DMD: variants seen among roughly 807,000 people sequenced by gnomAD.
The protein encoded by DMD is dystrophin.
In DMD, 63 loss-of-function variants were observed where a neutral mutation model predicts 330.1. The ratio of observed to expected loss-of-function variants is 0.19; its 90% confidence interval spans 0.16 to 0.24. The LOEUF is 0.24. DMD is among the 10% of genes least tolerant of loss of function. The pLI, the probability that DMD is intolerant of heterozygous loss-of-function variation, is 1.00. For missense variants in DMD, 3,344 were observed against 2,684.1 expected (o/e 1.25, Z -5.43); for synonymous variants, 1,223 against 959.8 (o/e 1.27, Z -5.07).
At chrX:32,726,293 T>A (rs2066873786) in intron 7 of DMD, among the ~76,000 whole-genome samples, 4 of 111,245 alleles carry the variant, frequency 3.6e-5, no homozygotes, top group East Asian at 5.6e-4. Flanking sequence ...CATAATAAAT[T>A]CACAGACAAA....
chrX:32,206,182 T>A, intron 44 of DMD: 1 of 510,622 alleles, frequency 2.0e-6, no homozygotes, highest in South Asian at 2.3e-5. Flanking sequence ...CCATCAGTGG[T>A]CTTACGGTTG....
chrX:32,653,154 T>C (rs1222723716), intron 9 of DMD, among the ~76,000 whole-genome samples: 1 of 112,217 alleles, frequency 8.9e-6, no homozygotes, highest in Non-Finnish European at 1.9e-5. Context: ...CAGAAGCTCC[T>C]TGGTTTAATT....
At chrX:32,667,866 A>G (rs147554422) in intron 9 of DMD, among the ~76,000 whole-genome samples, 6,347 of 107,399 alleles carry the variant, frequency 0.059, 473 homozygotes, top group African/African-American at 0.2. Flanking sequence ...AAGGCTGGGC[A>G]CTGTGGCTCA....
chrX:32,773,419 A>T (rs918607162), intron 7 of DMD, among the ~76,000 whole-genome samples: 44 of 111,606 alleles, frequency 3.9e-4, no homozygotes, highest in African/African-American at 1.4e-3. Context: ...TTCCAATTTA[A>T]CTATTATTTT....
intron 7 of DMD, among the ~76,000 whole-genome samples, chrX:32,748,101 G>A (rs1229886111): frequency 9.0e-6 from 1 of 110,498 alleles, no homozygotes; most frequent in Non-Finnish European, 1.9e-5. Flanking sequence ...CCAGCACTTT[G>A]GGAGGCTGAG....
chrX:31,649,074 T>G, intron 54 of DMD, among the ~76,000 whole-genome samples: 1 of 111,682 alleles, frequency 9.0e-6, no homozygotes, highest in African/African-American at 3.3e-5. Flanking sequence ...TAGCTAACAT[T>G]AATGGTTCAA....
intron 44 of DMD, 137 bp from the exon 45 acceptor site, chrX:31,968,651 A>G (rs766262275): frequency 8.7e-6 from 6 of 693,092 alleles, no homozygotes; most frequent in Non-Finnish European, 1.3e-5. Context: ...AAATTTCCCT[A>G]TGAAACTGAC....
intron 1 of DMD, among the ~76,000 whole-genome samples, chrX:33,034,884 A>G (rs2094178257): frequency 8.9e-6 from 1 of 112,257 alleles, no homozygotes; most frequent in South Asian, 3.7e-4. Context: ...AGGACTAAAT[A>G]AGCCATTATC....
At chrX:32,215,537 A>G (rs1483461488) in intron 44 of DMD, among the ~76,000 whole-genome samples, 1 of 111,822 alleles carries the variant, frequency 8.9e-6, no homozygotes, top group Non-Finnish European at 1.9e-5. Context: ...AAAGAGTAGA[A>G]TGGAGGTACT....
Position 33,222,287 on chromosome X carries a change from G to GA in DMD, c.7+116971dup, listed in dbSNP as rs200468363. On this transcript the variant is annotated intron_variant, in intron 1 of 17. Coordinates refer to the DMD transcript ENST00000288447. Reference sequence around the variant, plus strand: ...TCTACCATATTAACAGGTCATAGAGGAAAAATCACACGATGTTATCAGTAA... The same window carrying GA: ...TCTACCATATTAACAGGTCATAGAGGAAAAAATCACACGATGTTATCAGTAA... Among the ~76,000 whole-genome samples, 20 of 111,743 alleles carry GA rather than the reference G, an allele frequency of 1.8e-4. No homozygotes were observed. In the East Asian group the frequency reaches 5.6e-3, roughly 31 times the overall value.
chrX:31,314,742 C>CAGAGAGAGAGAGAGAGAGAGAGAG (rs199994602), intron 62 of DMD, among the ~76,000 whole-genome samples: 1 of 55,284 alleles, frequency 1.8e-5, no homozygotes, highest in African/African-American at 8.5e-5. Flanking sequence ...AATACATACA[C>CAGAGAGAGAGAGAGAGAGAGAGAG]AGAGAGAGAG....
At chrX:32,716,410 C>A (rs2065737206) in intron 7 of DMD, among the ~76,000 whole-genome samples, 1 of 111,211 alleles carries the variant, frequency 9.0e-6, no homozygotes, top group African/African-American at 3.3e-5. Context: ...TCCCCTTCGC[C>A]TTCCACAAGA....
intron 52 of DMD, among the ~76,000 whole-genome samples, chrX:31,680,807 T>C (rs181915481): frequency 8.9e-6 from 1 of 112,266 alleles, no homozygotes; most frequent in Admixed American, 9.4e-5. Context: ...CTGAAATATG[T>C]TCTTTTCAAA....
chrX:32,964,664 T>C (rs750940666), intron 2 of DMD, among the ~76,000 whole-genome samples: 1 of 110,588 alleles, frequency 9.0e-6, no homozygotes, highest in Non-Finnish European at 1.9e-5. Context: ...GCCGAGATTA[T>C]GCCACTGCAC....
At chrX:32,721,771 T>C (rs1346079070) in intron 7 of DMD, among the ~76,000 whole-genome samples, 2 of 111,087 alleles carry the variant, frequency 1.8e-5, no homozygotes, top group African/African-American at 6.5e-5. Flanking sequence ...AAGGCGACTG[T>C]CAGAGAGCTT....
chrX:32,754,473 G>C (rs1430270944), intron 7 of DMD, among the ~76,000 whole-genome samples: 1 of 109,453 alleles, frequency 9.1e-6, no homozygotes, highest in Non-Finnish European at 1.9e-5. Context: ...CTGTCATATA[G>C]ATCACTTATC....
At chrX:33,124,500 A>AAAAAAACAAAAAAAAAAAC (rs1569555863) in intron 1 of DMD, among the ~76,000 whole-genome samples, 1 of 104,394 alleles carries the variant, frequency 9.6e-6, no homozygotes, top group African/African-American at 3.7e-5. Flanking sequence ...AAAAAAAAAA[A>AAAAAAACAAAAAAAAAAAC]AAAAAAAAAA....
chrX:32,722,963 A>G (rs1000825934), intron 7 of DMD, among the ~76,000 whole-genome samples: 2 of 110,903 alleles, frequency 1.8e-5, no homozygotes, highest in African/African-American at 3.3e-5. Context: ...TGGTACTATG[A>G]CAAATGGAAG....
chrX:32,689,699 C>A (rs112345393), intron 9 of DMD, among the ~76,000 whole-genome samples: 1 of 110,577 alleles, frequency 9.0e-6, no homozygotes, highest in Admixed American at 9.7e-5. Flanking sequence ...GATCATATAC[C>A]ATGACCAAGT....
Sources: allele counts gnomAD v4.1 joint callset (sites outside exome capture counted in the v4.1 genomes callset), GRCh38; gene constraint gnomAD v4.1.1; transcripts MANE v1.5; gene names NCBI Gene and HGNC (gene_info 2026-07-23, HGNC 2026-07-21).